The following PRKACA variants were observed in gnomAD, a reference collection of about 807,000 sequenced individuals.
PRKACA encodes the protein cAMP-dependent protein kinase catalytic subunit alpha.
A neutral mutation model predicts 45.8 loss-of-function variants in PRKACA; 9 were observed. The ratio of observed to expected loss-of-function variants is 0.20; its 90% confidence interval spans 0.12 to 0.34. PRKACA has a LOEUF of 0.34. PRKACA is among the 10% of genes least tolerant of loss of function. The probability of loss-of-function intolerance (pLI) is 1.00; values close to 1 mark genes in which losing one functional copy is unlikely to be tolerated. For missense variants in PRKACA, 238 were observed against 458.6 expected, an observed-to-expected ratio of 0.52 and a Z score of 4.39; for synonymous variants, 160 against 178.6, an observed-to-expected ratio of 0.90 and a Z score of 0.83.
In PRKACA at chr19:14,109,965, AATATATATATATATATAT is replaced by A. The variant is rs1188333013; in HGVS notation, c.47-2574_47-2557del. Among the ~76,000 whole-genome samples, 90 of 23,768 alleles carry A rather than the reference AATATATATATATATATAT, an allele frequency of 3.8e-3. 2 individuals carry two copies. The Admixed American group carries it at 0.04, about 10-fold the overall frequency. 15.6% of individuals were successfully genotyped at this position (23,768 alleles called of 152,430 possible). ...AAAAAAAAAAAAAAAAAAAAAAAAAAATATATATATATATATATATATATATATATATATACACACACA... is the reference window on the plus strand; with the variant it reads ...AAAAAAAAAAAAAAAAAAAAAAAAAAATATATATATATATATACACACACA... On this transcript the variant is annotated intron_variant, in intron 1 of 9. Transcript: ENST00000308677.
chr19:14,102,571 G>T (rs1977476295), intron 4 of PRKACA, among the ~76,000 whole-genome samples: 3 of 152,204 alleles, frequency 2.0e-5, no homozygotes. Flanking sequence ...GCTTTTGAGG[G>T]ATGTTACTGA....
At chr19:14,102,339 G>A (rs971373593) in intron 4 of PRKACA, among the ~76,000 whole-genome samples, 1 of 151,990 alleles carries the variant, frequency 6.6e-6, no homozygotes, top group Non-Finnish European at 1.5e-5. Flanking sequence ...CACCCAAAAC[G>A]GCTCCCAAAG....
At chr19:14,106,949 G>A in intron 2 of PRKACA, 61 bp from the exon 3 acceptor site, 6 of 1,592,704 alleles carry the variant, frequency 3.8e-6, no homozygotes, top group Non-Finnish European at 5.1e-6. Context: ...CTTGGCTAAG[G>A]TCTGGGGCAT....
intron 1 of PRKACA, chr19:14,115,251 G>T: frequency 3.1e-6 from 1 of 324,466 alleles, no homozygotes; most frequent in Non-Finnish European, 4.4e-6. Context: ...TAACTGGCAT[G>T]GCAATCCCAT....
At chr19:14,116,680 C>T (rs1384402227) in intron 1 of PRKACA, among the ~76,000 whole-genome samples, 1 of 152,060 alleles carries the variant, frequency 6.6e-6, no homozygotes. Context: ...CTTACCCCAA[C>T]GCAGGAAAGA....
At chr19:14,112,986 AC>A (rs1568538996) in intron 1 of PRKACA, among the ~76,000 whole-genome samples, 1 of 152,082 alleles carries the variant, frequency 6.6e-6, no homozygotes, top group African/African-American at 2.4e-5. Context: ...GACAAGAGCC[AC>A]CCTGCCTCCT....
rs1345561884 is a variant in PRKACA at position 14,097,547 on chromosome 19, CAG to C, written c.642+30_642+31del. ...GAGAGCAGGAGAGCAGAGCCGGCCT[CAG>C]GGGAAGGGGAGGGCTGGGGAGGCTC... On this transcript the variant is annotated intron_variant, in intron 7 of 9. Coordinates refer to ENST00000308677, the MANE Select transcript of PRKACA (RefSeq NM_002730.4). The surrounding 1 kb of genome is among the most constrained non-coding windows in gnomAD (Gnocchi z 5.4). The C allele has an allele frequency of 1.2e-6, 2 of 1,613,094 alleles. No individual in the cohort carries two copies. Among genetic ancestry groups the C allele is most frequent in the Non-Finnish European group, 1.7e-6 (2 of 1,179,550 alleles).
At chr19:14,117,118 G>C (rs1599353437) in intron 1 of PRKACA, among the ~76,000 whole-genome samples, 1 of 151,850 alleles carries the variant, frequency 6.6e-6, no homozygotes, top group Middle Eastern at 3.4e-3. Flanking sequence ...CCTGGGTCGG[G>C]GTCAGGCAGA....
At position 14,117,485 on chromosome 19, in the gene PRKACA, A is replaced by C. The variant is rs1314898727; in HGVS notation, c.46+17T>G. 61 of 1,255,780 alleles carry C rather than the reference A, an allele frequency of 4.9e-5. 1 individual carries two copies. The highest frequency in any genetic ancestry group is 2.0e-6 in the Non-Finnish European group (2 of 995,584). 77.8% of individuals were successfully genotyped at this position (1,255,780 alleles called of 1,614,324 possible). A position where few individuals can be genotyped will look rare whatever the true frequency, so the allele number is the denominator to read the frequency against. On this transcript the variant is annotated intron_variant, in intron 1 of 9. Transcript: ENST00000308677. ...GCAGCGCAGGGCCAAGATCGGGGTCACAGCCCGGGCACTCACCGCTCTCCT... is the reference window on the plus strand; with the variant it reads ...GCAGCGCAGGGCCAAGATCGGGGTCCCAGCCCGGGCACTCACCGCTCTCCT...
chr19:14,113,377 C>CT (rs1325278118), intron 1 of PRKACA, among the ~76,000 whole-genome samples: 1 of 152,180 alleles, frequency 6.6e-6, no homozygotes, highest in Non-Finnish European at 1.5e-5. Flanking sequence ...CCTGTACAGC[C>CT]TGCCGCCCTG....
At chr19:14,115,958 C>T (rs904672194) in intron 1 of PRKACA, among the ~76,000 whole-genome samples, 3 of 152,120 alleles carry the variant, frequency 2.0e-5, no homozygotes, top group Non-Finnish European at 4.4e-5. Context: ...AGGCACTCAG[C>T]TACAGGCATT....
rs41296314 is a variant in PRKACA at position 14,093,092 on chromosome 19, A to T, written c.*20T>A. 1,979 of 1,448,938 alleles carry T rather than the reference A, an allele frequency of 1.4e-3. 3 individuals are homozygous for T. Among genetic ancestry groups the T allele is most frequent in the Admixed American group, 2.0e-3 (88 of 43,598 alleles). 89.8% of individuals were successfully genotyped at this position (1,448,938 alleles called of 1,614,324 possible). On this transcript the variant is annotated 3_prime_UTR_variant, in exon 10 of 10. Transcript: ENST00000308677. ...AAAGAAAAAAGAAAAAAGAAAACCC[A>T]TGGGGGCACAGGCATGCCCCTAAAA... is the stretch of plus-strand genomic sequence containing the variant.
At position 14,097,514 on chromosome 19, in the gene PRKACA, G is replaced by T; in HGVS notation, c.643-31C>A. ...GCAAGATGGGGGGGCACAGGGTGAG[G>T]AGGAGGCGAGAGCAGGAGAGCAGAG... is the stretch of plus-strand genomic sequence containing the variant. On this transcript the variant is annotated intron_variant, in intron 7 of 9. Transcript: ENST00000308677. The surrounding 1 kb of genome is among the most constrained non-coding windows in gnomAD (Gnocchi z 5.4). 6.2e-7 allele frequency: 1 copy of T among 1,613,986 alleles called. No homozygotes were observed. The highest frequency in any genetic ancestry group is 8.5e-7 in the Non-Finnish European group (1 of 1,179,916).
chr19:14,093,632 C>T lies in PRKACA; in HGVS notation c.926G>A (p.Arg309Lys), dbSNP rs187770246. The change falls in exon 9 of 10, where the codon AGG (arginine) becomes AAG (lysine). Residue 309 changes from arginine (R) to lysine (K), a missense_variant. By Grantham distance (26) the Arg-to-Lys change is conservative. This residue lies in a region of PRKACA where 51 missense variants were observed against 68.6 expected (regional missense o/e 0.74). Coordinates refer to ENST00000308677, the MANE Select transcript of PRKACA (RefSeq NM_002730.4). ...GCTTAAGGAGGGGAGGCCCACCTTC[C>T]TCTGGTAGATGGCAATCCAGTCAGT... ...ATTDWIAIYQ[R>K]KVEAPFIPKF... 2.5e-6 allele frequency: 4 copies of T among 1,613,116 alleles called. No homozygotes were observed. Among genetic ancestry groups the T allele is most frequent in the East Asian group, 4.5e-5 (2 of 44,884 alleles).
intron 8 of PRKACA, among the ~76,000 whole-genome samples, chr19:14,095,465 G>A (rs527928692): frequency 1.3e-5 from 2 of 151,322 alleles, no homozygotes; most frequent in Admixed American, 6.6e-5. Flanking sequence ...CACCACACCC[G>A]GCCAACTCTG....
Position 14,106,752 on chromosome 19 carries a change from C to T in PRKACA, c.237+8G>A, listed in dbSNP as rs1422914706. On this transcript the variant is annotated splice_region_variant and intron_variant, in intron 3 of 9. Transcript: ENST00000308677. Reference sequence around the variant, plus strand: ...AGGCAGGCCCTGAGCGAGGACAGGCCACCTCACCTTCTGTTTGTCGAGGAT... The same window carrying T: ...AGGCAGGCCCTGAGCGAGGACAGGCTACCTCACCTTCTGTTTGTCGAGGAT... 2 of 1,613,994 alleles carry T rather than the reference C, an allele frequency of 1.2e-6. No homozygotes were observed. The highest frequency in any genetic ancestry group is 1.7e-6 in the Non-Finnish European group (2 of 1,179,968).
chr19:14,096,917 A>G lies in PRKACA; in HGVS notation c.765+444T>C, dbSNP rs569701456. The G allele has an allele frequency of 1.7e-5, 5 of 294,008 alleles. No individual in the cohort carries two copies. The East Asian group carries it at 4.6e-4, about 27-fold the overall frequency. 18.2% of individuals were successfully genotyped at this position (294,008 alleles called of 1,614,324 possible). On this transcript the variant is annotated intron_variant, in intron 8 of 9. Coordinates refer to ENST00000308677, the MANE Select transcript of PRKACA (RefSeq NM_002730.4). ...TCATCTGAACCCTCAGAGTTAGGCAAGTCTGGGTTTGGGAGAGGAAGCATG... is the reference window on the plus strand; with the variant it reads ...TCATCTGAACCCTCAGAGTTAGGCAGGTCTGGGTTTGGGAGAGGAAGCATG...
At chr19:14,114,146 T>G (rs761410000) in intron 1 of PRKACA, 1 of 1,611,804 alleles carries the variant, frequency 6.2e-7, no homozygotes, top group Non-Finnish European at 8.5e-7. Context: ...TCGCTGGAGT[T>G]GGAAGCCATC....
Position 14,097,276 on chromosome 19 carries a change from C to G in PRKACA, c.765+85G>C. 2 of 1,596,926 alleles carry G rather than the reference C, an allele frequency of 1.3e-6. No homozygotes were observed. The highest frequency in any genetic ancestry group is 2.2e-5 in the South Asian group (2 of 90,280). ...AGGAACTTCTAGATTATTCTGACAA[C>G]AAGCAGGGCTCCCCAGGGAATAGGA... On this transcript the variant is annotated intron_variant, in intron 8 of 9. Transcript: ENST00000308677. The surrounding 1 kb of genome is among the most constrained non-coding windows in gnomAD (Gnocchi z 5.4).
Sources: gnomAD v4.1 joint callset for allele counts (sites outside exome capture counted in the v4.1 genomes callset) on GRCh38, gnomAD v4.1.1 for gene constraint, gnomAD v4.1.1 regional missense constraint, Gnocchi (gnomAD v3.1) non-coding constraint, MANE v1.5 for transcripts, NCBI Gene and HGNC (gene_info 2026-07-23, HGNC 2026-07-21) for gene names.